MTA1: variants seen among roughly 807,000 people sequenced by gnomAD.
The protein encoded by MTA1 is metastasis associated 1, also known as metastasis-associated protein MTA1.
In MTA1, 15 loss-of-function variants were observed where a neutral mutation model predicts 97.0. That is an observed-to-expected ratio of 0.15 (90% CI 0.10 to 0.24). The LOEUF (loss-of-function observed/expected upper bound fraction) is 0.24, where lower values mean the gene tolerates loss of function less well. MTA1 is among the 10% of genes least tolerant of loss of function. MTA1 has a pLI of 1.00. For missense variants in MTA1, 709 were observed against 1,015.1 expected (o/e 0.70, Z 4.10); for synonymous variants, 435 against 417.5 (o/e 1.04, Z -0.51).
chr14:105,438,818 G>T, intron 2 of MTA1, 79 bp downstream of exon 2: 1 of 1,481,710 alleles, frequency 6.7e-7, no homozygotes, highest in South Asian at 1.1e-5. Context: ...GGTGGCCAGT[G>T]TGGGTGGCCC....
chr14:105,439,730 A>G (rs1555425240), intron 2 of MTA1, among the ~76,000 whole-genome samples: 1 of 151,918 alleles, frequency 6.6e-6, no homozygotes, highest in Non-Finnish European at 1.5e-5. Context: ...AGGGCTCCTG[A>G]GCCCCCGATC....
chr14:105,421,376 C>T (rs1023257173), intron 1 of MTA1, among the ~76,000 whole-genome samples: 6 of 152,222 alleles, frequency 3.9e-5, no homozygotes, highest in Non-Finnish European at 7.3e-5. Context: ...CTGGAGACCC[C>T]CCTTCCAGCC....
In MTA1 at chr14:105,466,549, G is replaced by A. The variant is rs1555432900; in HGVS notation, c.1748G>A (p.Arg583His). ...GGCTCCCCCACCATCCTGGGCAAGC[G>A]CAGCTACGAGCAGCACAACGGGGTG... is the stretch of plus-strand genomic sequence containing the variant. ...NNGSPTILGKRSYEQHNGVDG... is the reference protein window; with the variant it reads ...NNGSPTILGKHSYEQHNGVDG... Residue 583 changes from arginine to histidine, a missense_variant, in exon 17 of 21, where the codon CGC (arginine) becomes CAC (histidine). Physicochemically the swap from Arg to His is conservative, Grantham distance 29. Around this residue, in one of 2 missense-constraint regions of MTA1, gnomAD observed 388 missense variants for 421.6 expected, o/e 0.92. Coordinates refer to ENST00000331320, the MANE Select transcript of MTA1 (RefSeq NM_004689.4). The A allele has an allele frequency of 6.3e-6, 10 of 1,580,002 alleles. No homozygotes were observed. Among genetic ancestry groups the A allele is most frequent in the Admixed American group, 5.4e-5 (3 of 55,810 alleles).
At chr14:105,466,972 G>T (rs1387308377) in intron 18 of MTA1, 49 of 583,836 alleles carry the variant, frequency 8.4e-5, no homozygotes, top group Non-Finnish European at 7.3e-5. Context: ...CCTCCTGTCA[G>T]TGGACTGTCC....
At chr14:105,468,327 C>G in intron 18 of MTA1, 1 of 1,304,342 alleles carries the variant, frequency 7.7e-7, no homozygotes, top group Non-Finnish European at 1.0e-6. Context: ...TGCTGTCCAC[C>G]GCTCTGGTAG....
intron 3 of MTA1, 150 bp downstream of exon 3, chr14:105,445,661 C>T: frequency 2.4e-6 from 2 of 829,194 alleles, no homozygotes; most frequent in Non-Finnish European, 4.1e-6. Flanking sequence ...TTTCTCCCTT[C>T]CACAGTGGGC....
In MTA1 at chr14:105,463,606, G is replaced by A. The variant is rs1432895615; in HGVS notation, c.1076+55G>A. 7.0e-6 allele frequency: 11 copies of A among 1,562,648 alleles called. No individual in the cohort carries two copies. The highest frequency in any genetic ancestry group is 7.9e-6 in the Non-Finnish European group (9 of 1,134,980). On this transcript the variant is annotated intron_variant, in intron 12 of 20. Transcript: ENST00000331320. This position sits in a 1 kb window ranked among gnomAD's most constrained non-coding sequence, Gnocchi z 5.9. ...GTGGCCCCGGGGGCCAGGGAGGGTG[G>A]GCACAGGGTGCTGGGGCCAGGCGGG...
At chr14:105,436,763 T>C (rs2082337646) in intron 1 of MTA1, among the ~76,000 whole-genome samples, 1 of 152,248 alleles carries the variant, frequency 6.6e-6, no homozygotes, top group Non-Finnish European at 1.5e-5. Flanking sequence ...TGTTTTGAAT[T>C]TAATTTATTT....
In MTA1 at chr14:105,464,679, C is replaced by T; in HGVS notation, c.1350C>T (p.Pro450=). 2 of 1,602,602 alleles carry T rather than the reference C, an allele frequency of 1.2e-6. No individual in the cohort carries two copies. Among genetic ancestry groups the T allele is most frequent in the South Asian group, 1.1e-5 (1 of 90,636 alleles). ...RPGPNRSNMS[P]HGLPARSSGS... ...GGTTGCGCCCCCTTCCGCAGAGTCCCCACGGCCTCCCAGCCCGGAGCAGCG... is the reference window on the plus strand; with the variant it reads ...GGTTGCGCCCCCTTCCGCAGAGTCCTCACGGCCTCCCAGCCCGGAGCAGCG... The change falls in exon 15 of 21, where the codon CCC becomes CCT. Residue 450 remains proline (P), a synonymous_variant. Coordinates refer to ENST00000331320, the MANE Select transcript of MTA1 (RefSeq NM_004689.4).
chr14:105,454,559 A>G (rs2083069804), intron 7 of MTA1: 1 of 419,170 alleles, frequency 2.4e-6, no homozygotes, highest in Non-Finnish European at 4.5e-6. Context: ...GGACGTGGTG[A>G]TCAGCTGTCC....
intron 7 of MTA1, among the ~76,000 whole-genome samples, chr14:105,455,316 A>T (rs1186262002): frequency 6.6e-6 from 1 of 152,064 alleles, no homozygotes; most frequent in East Asian, 1.9e-4. Context: ...GGGGCCGTGG[A>T]GCTCCGACGC....
intron 1 of MTA1, among the ~76,000 whole-genome samples, chr14:105,433,756 G>A (rs4983618): frequency 0.94 from 142,961 of 152,056 alleles, 67,864 homozygotes; most frequent in East Asian, 1. Flanking sequence ...TTTGAACCCA[G>A]TGAAGCAATA....
chr14:105,462,426 G>A (rs1055637004), intron 10 of MTA1, among the ~76,000 whole-genome samples: 4 of 152,004 alleles, frequency 2.6e-5, no homozygotes, highest in Admixed American at 6.6e-5. Flanking sequence ...AAAATTAGTC[G>A]GGCATGGTGG....
chr14:105,449,649 C>T (rs2141574368), intron 4 of MTA1, among the ~76,000 whole-genome samples: 1 of 152,316 alleles, frequency 6.6e-6, no homozygotes, highest in East Asian at 1.9e-4. Flanking sequence ...ATGGGGCTGT[C>T]TGGCCACGAG....
chr14:105,431,926 T>C (rs782789500), intron 1 of MTA1, among the ~76,000 whole-genome samples: 10 of 152,178 alleles, frequency 6.6e-5, no homozygotes, highest in Non-Finnish European at 1.0e-4. Context: ...ACACCCGGCC[T>C]GTGGAAAGTA....
chr14:105,435,398 G>C lies in MTA1; in HGVS notation c.29-3274G>C, dbSNP rs148610929. Among the ~76,000 whole-genome samples the C allele has an allele frequency of 1.9e-3, 284 of 152,246 alleles. 2 individuals are homozygous for C. The highest frequency in any genetic ancestry group is 6.1e-3 in the African/African-American group (253 of 41,542). On this transcript the variant is annotated intron_variant, in intron 1 of 20. Transcript: ENST00000331320. ...ACTCCTGGGCTTAAGCGATCCTTCT[G>C]CCTTAGCCCCCAAGCAGCTGGGACT...
intron 2 of MTA1, 86 bp downstream of exon 2, chr14:105,438,825 G>T (rs1299680182): frequency 9.8e-6 from 14 of 1,434,170 alleles, no homozygotes; most frequent in Admixed American, 3.4e-5. Context: ...AGTGTGGGTG[G>T]CCCCCTTTCG....
chr14:105,466,286 C>A, intron 16 of MTA1, 140 bp from the exon 17 acceptor site: 1 of 731,898 alleles, frequency 1.4e-6, no homozygotes, highest in South Asian at 1.8e-5. Context: ...CCAGCCCAGT[C>A]AGGATGGGGC....
chr14:105,429,658 T>A (rs2082119159), intron 1 of MTA1, among the ~76,000 whole-genome samples: 1 of 150,714 alleles, frequency 6.6e-6, no homozygotes, highest in Non-Finnish European at 1.5e-5. Flanking sequence ...TTTCACCATG[T>A]TAGCCAGGAT....
Sources: allele counts gnomAD v4.1 joint callset (sites outside exome capture counted in the v4.1 genomes callset), GRCh38; gene constraint gnomAD v4.1.1; regional missense constraint gnomAD v4.1.1; non-coding constraint Gnocchi (gnomAD v3.1); transcripts MANE v1.5; gene names NCBI Gene and HGNC (gene_info 2026-07-23, HGNC 2026-07-21).